HMGB1: variants seen among roughly 807,000 people sequenced by gnomAD.
HMGB1 encodes high mobility group box 1.
For synonymous variants in HMGB1, 81 were observed against 84.0 expected (o/e 0.96, Z 0.19); for missense variants, 79 against 253.5 (o/e 0.31, Z 4.67).
intron 1 of HMGB1, among the ~76,000 whole-genome samples, chr13:30,569,102 G>A (rs1473927150): frequency 6.6e-6 from 1 of 152,178 alleles, no homozygotes; most frequent in Non-Finnish European, 1.5e-5. Flanking sequence ...TTGAACCCAG[G>A]AAGTGGAGGT....
intron 1 of HMGB1, among the ~76,000 whole-genome samples, chr13:30,595,555 C>T (rs1463566523): frequency 6.6e-6 from 1 of 152,320 alleles, no homozygotes; most frequent in South Asian, 2.1e-4. Flanking sequence ...ACTTTAGTAG[C>T]TTGAAACAAT....
chr13:30,568,445 C>A (rs947776475), intron 1 of HMGB1, among the ~76,000 whole-genome samples: 1 of 152,136 alleles, frequency 6.6e-6, no homozygotes, highest in Non-Finnish European at 1.5e-5. Flanking sequence ...GAGTTCAAGG[C>A]TGCAGTGAGC....
intron 1 of HMGB1, among the ~76,000 whole-genome samples, chr13:30,484,400 C>T (rs1316107946): frequency 1.3e-5 from 2 of 152,162 alleles, no homozygotes; most frequent in Non-Finnish European, 2.9e-5. Context: ...GCTTTGCTAC[C>T]AACTACTCTA....
intron 1 of HMGB1, among the ~76,000 whole-genome samples, chr13:30,608,518 A>C (rs1368658744): frequency 2.6e-5 from 4 of 152,190 alleles, no homozygotes; most frequent in Non-Finnish European, 5.9e-5. Context: ...CTCTACTCTT[A>C]ACTCCTTTCT....
intron 1 of HMGB1, among the ~76,000 whole-genome samples, chr13:30,608,116 A>G (rs540522303): frequency 1.9e-4 from 29 of 152,204 alleles, no homozygotes; most frequent in African/African-American, 6.5e-4. Context: ...TCTGGGGGAA[A>G]AGCCAGGTGT....
chr13:30,505,554 A>G (rs576269181), intron 1 of HMGB1, among the ~76,000 whole-genome samples: 71 of 151,802 alleles, frequency 4.7e-4, no homozygotes, highest in African/African-American at 1.7e-3. Flanking sequence ...CAGGTGATCC[A>G]CCCACCTTGG....
chr13:30,499,724 A>G (rs867197790), intron 1 of HMGB1, among the ~76,000 whole-genome samples: 1 of 152,232 alleles, frequency 6.6e-6, no homozygotes, highest in African/African-American at 2.4e-5. Flanking sequence ...TCTTAAGACC[A>G]AAAAGGAACC....
intron 1 of HMGB1, among the ~76,000 whole-genome samples, chr13:30,585,170 A>G (rs1270731460): frequency 6.6e-6 from 1 of 150,570 alleles, no homozygotes; most frequent in Non-Finnish European, 1.5e-5. Flanking sequence ...AAAATTAGCC[A>G]GGCATGGTGG....
chr13:30,613,193 C>A (rs539213256), intron 1 of HMGB1, among the ~76,000 whole-genome samples: 156 of 152,272 alleles, frequency 1.0e-3, no homozygotes, highest in African/African-American at 3.4e-3. Flanking sequence ...CATTTTCATG[C>A]CTCATCCTCC....
In HMGB1 at chr13:30,524,112, C is replaced by G. The variant is rs1440818277; in HGVS notation, c.-14-60418G>C. On this transcript the variant is annotated intron_variant, in intron 1 of 4. Transcript: ENST00000405805. Reference sequence around the variant, plus strand: ...AACAGAAAACCAAACACCACATGCTCTCACTCGTAAGGGGGAGTTGAACAA... The same window carrying G: ...AACAGAAAACCAAACACCACATGCTGTCACTCGTAAGGGGGAGTTGAACAA... Among the ~76,000 whole-genome samples, 8 of 151,984 alleles carry G rather than the reference C, an allele frequency of 5.3e-5. No homozygotes were observed. The East Asian group carries it at 1.5e-3, about 29-fold the overall frequency.
At chr13:30,470,646 GTTTTA>G (rs1409455622), upstream of HMGB1, among the ~76,000 whole-genome samples, 6 of 152,042 alleles carry the variant, frequency 3.9e-5, no homozygotes, top group Non-Finnish European at 5.9e-5. Context: ...GCTTTTTATT[GTTTTA>G]TTTTATTTTT....
At chr13:30,582,503 T>G (rs950670729) in intron 1 of HMGB1, among the ~76,000 whole-genome samples, 5 of 151,910 alleles carry the variant, frequency 3.3e-5, no homozygotes, top group African/African-American at 1.2e-4. Flanking sequence ...CCGGGCGTGG[T>G]GGCGGGTGCC....
intron 1 of HMGB1, among the ~76,000 whole-genome samples, chr13:30,497,062 C>T (rs1456680990): frequency 6.6e-6 from 1 of 152,170 alleles, no homozygotes; most frequent in Non-Finnish European, 1.5e-5. Context: ...CCTTGATCCT[C>T]AGTCATCTCA....
chr13:30,538,623 C>CTT lies in HMGB1; in HGVS notation c.-14-74930_-14-74929insAA, dbSNP rs1368101417. 7.0e-3 allele frequency among the ~76,000 whole-genome samples: 665 copies of CTT among 94,782 alleles called. 46 individuals carry two copies. The highest frequency in any genetic ancestry group is 0.035 in the African/African-American group (616 of 17,388). The allele number at this position is 94,782 out of a possible 152,430, so 62.2% of individuals were successfully genotyped here. A position where few individuals can be genotyped will look rare whatever the true frequency, so the allele number is the denominator to read the frequency against. On this transcript the variant is annotated intron_variant, in intron 1 of 4. Transcript: ENST00000405805. ...TTTTTCTTTCTTTCTCTTTCTCTCT[C>CTT]TCTTTCTTTTTCTTTCTTCCTTTCT...
At chr13:30,577,875 A>G (rs1249258327) in intron 1 of HMGB1, among the ~76,000 whole-genome samples, 2 of 152,190 alleles carry the variant, frequency 1.3e-5, no homozygotes, top group Non-Finnish European at 2.9e-5. Flanking sequence ...CATCATCCTC[A>G]TGTTTTAAAA....
intron 1 of HMGB1, among the ~76,000 whole-genome samples, chr13:30,561,264 G>C (rs1869939670): frequency 6.6e-6 from 1 of 152,188 alleles, no homozygotes; most frequent in African/African-American, 2.4e-5. Flanking sequence ...CTGGAGCTCA[G>C]GAGGAAGAGG....
upstream of HMGB1, among the ~76,000 whole-genome samples, chr13:30,470,821 G>T (rs924156902): frequency 6.6e-6 from 1 of 151,914 alleles, no homozygotes; most frequent in African/African-American, 2.4e-5. Context: ...ACTAATTTTT[G>T]TATTTTTAGT....
intron 1 of HMGB1, among the ~76,000 whole-genome samples, chr13:30,496,721 TG>T (rs1367895545): frequency 6.6e-6 from 1 of 152,210 alleles, no homozygotes; most frequent in East Asian, 1.9e-4. Context: ...GGAAGAGGAT[TG>T]CTTGTCCAGG....
intron 1 of HMGB1, among the ~76,000 whole-genome samples, chr13:30,574,767 T>C (rs899184133): frequency 6.6e-6 from 1 of 152,232 alleles, no homozygotes; most frequent in Non-Finnish European, 1.5e-5. Flanking sequence ...AGGGCTGTCC[T>C]TACTGCAGAA....
Sources: allele counts gnomAD v4.1 joint callset (sites outside exome capture counted in the v4.1 genomes callset), GRCh38; gene constraint gnomAD v4.1.1; transcripts MANE v1.5; gene names NCBI Gene and HGNC (gene_info 2026-07-23, HGNC 2026-07-21).